The following SOX6 variants were observed in gnomAD, a reference collection of about 807,000 sequenced individuals.
The protein encoded by SOX6 is transcription factor SOX-6.
In SOX6, 11 loss-of-function variants were observed where a neutral mutation model predicts 97.8. The observed-to-expected ratio is 0.11, with a 90% CI of 0.07 to 0.19. SOX6 has a LOEUF of 0.19. SOX6 is among the 10% of genes least tolerant of loss of function. The probability of loss-of-function intolerance (pLI) is 1.00; values close to 1 mark genes in which losing one functional copy is unlikely to be tolerated. For synonymous variants in SOX6, 360 were observed against 371.4 expected, an observed-to-expected ratio of 0.97 and a Z score of 0.35; for missense variants, 810 against 1,039.5, an observed-to-expected ratio of 0.78 and a Z score of 3.04.
intron 6 of SOX6, among the ~76,000 whole-genome samples, chr11:16,173,894 A>G (rs1851108782): frequency 1.3e-5 from 2 of 151,562 alleles, no homozygotes; most frequent in African/African-American, 2.4e-5. Context: ...TCCATAGCCC[A>G]GGATGGAGTG....
At chr11:15,984,459 T>C (rs1336573177) in intron 15 of SOX6, among the ~76,000 whole-genome samples, 1 of 152,136 alleles carries the variant, frequency 6.6e-6, no homozygotes, top group Non-Finnish European at 1.5e-5. Flanking sequence ...AAACTTTGGA[T>C]TGTTCAAAAG....
At chr11:16,018,391 A>G (rs1041993666) in intron 12 of SOX6, among the ~76,000 whole-genome samples, 1 of 151,994 alleles carries the variant, frequency 6.6e-6, no homozygotes, top group East Asian at 1.9e-4. Flanking sequence ...TTGTCTTTGC[A>G]TGGGTGGAGA....
chr11:16,341,132 G>C lies in SOX6; in HGVS notation c.117C>G (p.Ser39=). The change falls in exon 2 of 16, where the codon TCC becomes TCG. Residue 39 remains serine, a synonymous_variant. Coordinates refer to ENST00000683767, the MANE Select transcript of SOX6 (RefSeq NM_001367873.1). Reference sequence around the variant, plus strand: ...GCATTATGGGGTGCAGAGGCAGATGGGAGGCCACATGTTGATCACTGCCCT... The same window carrying C: ...GCATTATGGGGTGCAGAGGCAGATGCGAGGCCACATGTTGATCACTGCCCT... ...KEEGSDQHVA[S]HLPLHPIMHN... 1 of 1,613,546 alleles carries C rather than the reference G, an allele frequency of 6.2e-7. No homozygotes were observed. The highest frequency in any genetic ancestry group is 8.5e-7 in the Non-Finnish European group (1 of 1,179,600).
intron 9 of SOX6, among the ~76,000 whole-genome samples, chr11:16,068,073 T>A (rs1423532999): frequency 6.6e-6 from 1 of 152,068 alleles, no homozygotes; most frequent in Non-Finnish European, 1.5e-5. Flanking sequence ...AAGGGGACAA[T>A]AGAAGTTGGA....
intron 1 of SOX6, among the ~76,000 whole-genome samples, chr11:16,401,657 A>G (rs1304251991): frequency 6.6e-6 from 1 of 151,550 alleles, no homozygotes; most frequent in Admixed American, 6.6e-5. Context: ...AGGAGAACTC[A>G]AAAGTCATTA....
intron 9 of SOX6, among the ~76,000 whole-genome samples, chr11:16,090,081 T>C (rs917002429): frequency 1.3e-5 from 2 of 152,124 alleles, no homozygotes; most frequent in African/African-American, 4.8e-5. Context: ...TAAAAATACC[T>C]GTCATTATTT....
intron 1 of SOX6, among the ~76,000 whole-genome samples, chr11:16,401,090 C>T (rs560049454): frequency 6.6e-6 from 1 of 151,552 alleles, no homozygotes; most frequent in African/African-American, 2.4e-5. Context: ...TCTCATAACA[C>T]CTAATGAAAT....
chr11:16,540,104 T>G (rs867638027), intron 4 of SOX6, among the ~76,000 whole-genome samples: 33 of 152,178 alleles, frequency 2.2e-4, no homozygotes, highest in Middle Eastern at 3.4e-3. Context: ...CAGCAGCACA[T>G]GAAAAAGCTT....
rs149774899 is a variant in SOX6, at chr11:16,176,175, T to C, written c.777+7711A>G. ...TAAACAACTTAGCATTAACCTTTAA[T>C]CATTTAATCTTCATTACCCTGTATA... On this transcript the variant is annotated intron_variant, in intron 6 of 15. Coordinates refer to ENST00000683767, the MANE Select transcript of SOX6 (RefSeq NM_001367873.1). Among the ~76,000 whole-genome samples the C allele has an allele frequency of 1.5e-3, 226 of 151,868 alleles. 1 individual carries two copies. The highest frequency in any genetic ancestry group is 5.1e-3 in the African/African-American group (212 of 41,460).
In SOX6 at chr11:16,112,035, C is replaced by G. The variant is rs879077922; in HGVS notation, c.778-112G>C. The stretch of plus-strand genomic sequence containing the variant: ...TACCCACACAGCCACCCACCTCTAA[C>G]CTCATTCCAAATCTGCAATCTGAGA... On this transcript the variant is annotated intron_variant, in intron 6 of 15. Transcript: ENST00000683767. 3.7e-6 allele frequency: 5 copies of G among 1,338,586 alleles called. No individual in the cohort carries two copies. The South Asian group carries it at 4.9e-5, about 13-fold the overall frequency. 82.9% of individuals were successfully genotyped at this position (1,338,586 alleles called of 1,614,324 possible).
intron 4 of SOX6, chr11:16,576,931 G>A (rs1847990025): frequency 6.6e-6 from 1 of 152,148 alleles, no homozygotes; most frequent in Non-Finnish European, 1.5e-5. Context: ...CAGAAGTTCT[G>A]GACTGTAGTG....
intron 3 of SOX6, among the ~76,000 whole-genome samples, chr11:16,669,041 A>C (rs1303738816): frequency 6.6e-6 from 1 of 152,248 alleles, no homozygotes; most frequent in African/African-American, 2.4e-5. Context: ...GAGCAAATGG[A>C]CCAAATAGAT....
chr11:16,323,880 A>T (rs757013869), intron 2 of SOX6, among the ~76,000 whole-genome samples: 1 of 151,982 alleles, frequency 6.6e-6, no homozygotes, highest in Non-Finnish European at 1.5e-5. Flanking sequence ...CTAATTATCA[A>T]ATATGTCAAA....
intron 4 of SOX6, among the ~76,000 whole-genome samples, chr11:16,562,735 TG>T (rs776414429): frequency 2.0e-4 from 31 of 152,086 alleles, no homozygotes; most frequent in Non-Finnish European, 3.4e-4. Flanking sequence ...TCCCGCAGAA[TG>T]GTATCAAGGA....
chr11:16,156,536 T>A (rs929768337), intron 6 of SOX6, among the ~76,000 whole-genome samples: 1 of 151,934 alleles, frequency 6.6e-6, no homozygotes, highest in African/African-American at 2.4e-5. Flanking sequence ...CCTGAATAAT[T>A]CAGCATGTCA....
At chr11:16,263,159 ATAT>A (rs2134216842) in intron 3 of SOX6, among the ~76,000 whole-genome samples, 1 of 152,044 alleles carries the variant, frequency 6.6e-6, no homozygotes, top group South Asian at 2.1e-4. Flanking sequence ...AGTAATAAAA[ATAT>A]TAATAATAAC....
chr11:16,347,839 T>C (rs1449399949), intron 1 of SOX6, among the ~76,000 whole-genome samples: 1 of 152,100 alleles, frequency 6.6e-6, no homozygotes, highest in East Asian at 1.9e-4. Context: ...CTTTAGATTG[T>C]TTCAAAATAT....
At chr11:16,009,158 C>T (rs1477732909) in intron 13 of SOX6, among the ~76,000 whole-genome samples, 1 of 151,882 alleles carries the variant, frequency 6.6e-6, no homozygotes, top group Non-Finnish European at 1.5e-5. Flanking sequence ...TAGTTGGATA[C>T]CTTCTTGGGC....
rs547008483 is a variant in SOX6 at position 16,171,489 on chromosome 11, C to T, written c.777+12397G>A. 3.3e-5 allele frequency among the ~76,000 whole-genome samples: 5 copies of T among 152,044 alleles called. No homozygotes were observed. In the South Asian group the frequency reaches 1.0e-3, roughly 32 times the overall value. On this transcript the variant is annotated intron_variant, in intron 6 of 15. Coordinates refer to ENST00000683767, the MANE Select transcript of SOX6 (RefSeq NM_001367873.1). ...AAAATGAAATAGAGTACATCAGACT[C>T]TTTTACATTCATATTTTTGTATCCC...
Sources: allele counts gnomAD v4.1 joint callset (sites outside exome capture counted in the v4.1 genomes callset), GRCh38; gene constraint gnomAD v4.1.1; transcripts MANE v1.5; gene names NCBI Gene and HGNC (gene_info 2026-07-23, HGNC 2026-07-21).